CSMD1: variants seen among roughly 807,000 people sequenced by gnomAD.
The protein encoded by CSMD1 is CUB and Sushi multiple domains 1.
A neutral mutation model predicts 417.5 loss-of-function variants in CSMD1; 213 were observed. That is an observed-to-expected ratio of 0.51 (90% CI 0.46 to 0.57). The LOEUF (loss-of-function observed/expected upper bound fraction) is 0.57. Ranked by LOEUF, CSMD1 falls within the 20% of genes least tolerant of loss-of-function variation. The probability of loss-of-function intolerance (pLI) is 0.00; values close to 1 mark genes in which losing one functional copy is unlikely to be tolerated. For missense variants in CSMD1, 6,923 were observed against 4,529.7 expected (o/e 1.53, Z -15.17); for synonymous variants, 2,862 against 1,736.8 (o/e 1.65, Z -16.11).
chr8:3,204,500 C>G (rs996922885), intron 31 of CSMD1, among the ~76,000 whole-genome samples: 2 of 152,034 alleles, frequency 1.3e-5, no homozygotes, highest in South Asian at 2.1e-4. Flanking sequence ...AATCCAGAAC[C>G]CATTTTAAGT....
chr8:4,393,067 C>T (rs139719658), intron 3 of CSMD1, among the ~76,000 whole-genome samples: 155 of 150,774 alleles, frequency 1.0e-3, no homozygotes, highest in African/African-American at 3.6e-3. Context: ...CCTCCGCCTC[C>T]GGGGTTCAAG....
intron 11 of CSMD1, among the ~76,000 whole-genome samples, chr8:3,489,835 C>A (rs1818269182): frequency 1.3e-5 from 2 of 152,146 alleles, no homozygotes; most frequent in Non-Finnish European, 2.9e-5. Flanking sequence ...CCATATTTCC[C>A]ACAAAATGGA....
intron 10 of CSMD1, among the ~76,000 whole-genome samples, chr8:3,550,752 C>T (rs1439001921): frequency 6.6e-6 from 1 of 152,274 alleles, no homozygotes; most frequent in South Asian, 2.1e-4. Context: ...TCATGGCCAA[C>T]CAGGCTTGCA....
chr8:3,606,961 C>A (rs1801648703), intron 8 of CSMD1, among the ~76,000 whole-genome samples: 1 of 152,266 alleles, frequency 6.6e-6, no homozygotes, highest in Middle Eastern at 3.4e-3. Flanking sequence ...CTGCCCACCT[C>A]AGCCTCCCAA....
intron 5 of CSMD1, among the ~76,000 whole-genome samples, chr8:3,759,711 T>A (rs977223693): frequency 6.9e-6 from 1 of 144,618 alleles, no homozygotes; most frequent in Non-Finnish European, 1.5e-5. Context: ...CTGAGCAATA[T>A]GGTGAAACAC....
At chr8:3,090,494 G>T (rs1585322244) in intron 48 of CSMD1, among the ~76,000 whole-genome samples, 1 of 151,994 alleles carries the variant, frequency 6.6e-6, no homozygotes, top group East Asian at 1.9e-4. Flanking sequence ...TCACATCAAG[G>T]GCCTTTCAAA....
chr8:3,437,806 G>A (rs1465506323), intron 12 of CSMD1, among the ~76,000 whole-genome samples: 1 of 151,264 alleles, frequency 6.6e-6, no homozygotes, highest in Non-Finnish European at 1.5e-5. Context: ...GGAGTGCAGT[G>A]GCACAATCTC....
intron 62 of CSMD1, among the ~76,000 whole-genome samples, chr8:2,960,433 T>C (rs74521778): frequency 0.024 from 3,728 of 152,258 alleles, 162 homozygotes; most frequent in African/African-American, 0.084. Context: ...GATCCCTATA[T>C]AATTAACTTT....
At chr8:3,421,562 A>G (rs1187231472) in intron 12 of CSMD1, among the ~76,000 whole-genome samples, 2 of 152,202 alleles carry the variant, frequency 1.3e-5, no homozygotes, top group Non-Finnish European at 2.9e-5. Context: ...TCAAGATAAT[A>G]TTTAGCCTGT....
intron 1 of CSMD1, among the ~76,000 whole-genome samples, chr8:4,943,399 G>C (rs1418775700): frequency 1.3e-5 from 2 of 151,984 alleles, no homozygotes; most frequent in African/African-American, 4.8e-5. Context: ...GGGAGGCTGA[G>C]GCAGGAGAAT....
chr8:4,738,829 G>A lies in CSMD1; in HGVS notation c.86-101271C>T, dbSNP rs537340408. On this transcript the variant is annotated intron_variant, in intron 1 of 69. Coordinates refer to ENST00000635120, the MANE Select transcript of CSMD1 (RefSeq NM_033225.6). ...CTGTCTGAGTTCAACTACAGATGGA[G>A]AATAGAAAAAATACACAGGTTGCTT... 2.0e-5 allele frequency among the ~76,000 whole-genome samples: 3 copies of A among 152,012 alleles called. No individual in the cohort carries two copies. The South Asian group carries it at 6.2e-4, about 32-fold the overall frequency.
chr8:4,086,857 C>G (rs1216993008), intron 3 of CSMD1, among the ~76,000 whole-genome samples: 1 of 152,178 alleles, frequency 6.6e-6, no homozygotes, highest in East Asian at 1.9e-4. Flanking sequence ...CATCACGTTT[C>G]TGGTAGCATA....
chr8:3,721,838 T>C (rs1802192322), intron 6 of CSMD1, among the ~76,000 whole-genome samples: 1 of 152,138 alleles, frequency 6.6e-6, no homozygotes, highest in Admixed American at 6.5e-5. Context: ...ACAGGGAGTT[T>C]TCTGAGAGGC....
intron 5 of CSMD1, among the ~76,000 whole-genome samples, chr8:3,768,962 A>C (rs1798432266): frequency 6.6e-6 from 1 of 152,252 alleles, no homozygotes; most frequent in Admixed American, 6.5e-5. Context: ...AGGTGAATGG[A>C]ACAGGAAAGG....
intron 63 of CSMD1, 71 bp from the exon 64 acceptor site, chr8:2,955,839 T>C (rs1802964268): frequency 2.9e-6 from 4 of 1,366,150 alleles, no homozygotes; most frequent in Non-Finnish European, 4.1e-6. Context: ...GAGAAATTAA[T>C]AGATTAAAAT....
chr8:4,536,907 T>G (rs558624863), intron 2 of CSMD1, among the ~76,000 whole-genome samples: 6 of 152,140 alleles, frequency 3.9e-5, no homozygotes, highest in Non-Finnish European at 8.8e-5. Flanking sequence ...CAGGGAGAAA[T>G]TGTAAAACTG....
intron 27 of CSMD1, among the ~76,000 whole-genome samples, chr8:3,229,706 C>A (rs1406014702): frequency 6.6e-6 from 1 of 152,050 alleles, no homozygotes; most frequent in Non-Finnish European, 1.5e-5. Context: ...TATTAAAAAT[C>A]AGAATAGCAA....
At chr8:4,090,687 A>G (rs763303070) in intron 3 of CSMD1, among the ~76,000 whole-genome samples, 3 of 152,226 alleles carry the variant, frequency 2.0e-5, no homozygotes, top group Non-Finnish European at 4.4e-5. Flanking sequence ...TCCTAATTTT[A>G]TCTCTAGTAG....
intron 1 of CSMD1, among the ~76,000 whole-genome samples, chr8:4,824,506 C>T (rs1431183799): frequency 1.3e-5 from 2 of 152,008 alleles, no homozygotes; most frequent in Non-Finnish European, 2.9e-5. Flanking sequence ...ACAGAGTAGT[C>T]CCAATTAAAA....
Sources: gnomAD v4.1 joint callset for allele counts (sites outside exome capture counted in the v4.1 genomes callset) on GRCh38, gnomAD v4.1.1 for gene constraint, MANE v1.5 for transcripts, NCBI Gene and HGNC (gene_info 2026-07-23, HGNC 2026-07-21) for gene names.